Variants in GGA2 observed in about 807,000 individuals in gnomAD.
GGA2 encodes ADP-ribosylation factor-binding protein GGA2.
GGA2 carries 48 observed loss-of-function variants against 79.5 expected under a neutral mutation model. The ratio of observed to expected loss-of-function variants is 0.60; its 90% CI spans 0.48 to 0.77. The LOEUF (loss-of-function observed/expected upper bound fraction) is 0.77. Among genes scored for constraint, GGA2 ranks in the 30% least tolerant of loss-of-function variants. GGA2 has a pLI of 0.00. For missense variants in GGA2, 770 were observed against 774.0 expected (o/e 0.99, Z 0.06); for synonymous variants, 317 against 302.0 (o/e 1.05, Z -0.51).
At chr16:23,494,232 A>T in intron 3 of GGA2, 71 bp downstream of exon 3, 1 of 989,662 alleles carries the variant, frequency 1.0e-6, no homozygotes, top group Non-Finnish European at 1.6e-6. Context: ...TCTGTGTGGA[A>T]GCAAAGCGCC....
At position 23,510,350 on chromosome 16, in the gene GGA2, C is replaced by T. The variant is rs1321811752; in HGVS notation, c.62G>A (p.Gly21Asp). The change falls in exon 1 of 17, where the codon GGC (glycine) becomes GAC (aspartate). Residue 21 changes from glycine (G) to aspartate (D), a missense_variant. Physicochemically the swap from Gly to Asp is moderately conservative, Grantham distance 94 (BLOSUM62 -1). Coordinates refer to ENST00000309859, the MANE Select transcript of GGA2 (RefSeq NM_015044.4). ...CCACAGCTCCAGCGACGCTGCCGGG[C>T]CCGGGGGACCCTGGGCCGACTCGGT... The part of the protein sequence containing the change: ...AGTESAQGPP[G>D]PAASLELWLN... 7.0e-7 allele frequency: 1 copy of T among 1,436,522 alleles called. No homozygotes were observed. The highest frequency in any genetic ancestry group is 1.4e-5 in the South Asian group (1 of 73,110). The allele number at this position is 1,436,522 out of a possible 1,614,324, so 89.0% of individuals were successfully genotyped here.
rs1208609157 is a variant in GGA2, at chr16:23,465,635, C to T, written c.*1955G>A. The T allele has an allele frequency of 1.8e-6, 1 of 553,906 alleles. No individual in the cohort carries two copies. Among genetic ancestry groups the T allele is most frequent in the Non-Finnish European group, 3.2e-6 (1 of 311,074 alleles). 34.3% of individuals were successfully genotyped at this position (553,906 alleles called of 1,614,324 possible). On this transcript the variant is annotated 3_prime_UTR_variant, in exon 17 of 17. Coordinates refer to ENST00000309859, the MANE Select transcript of GGA2 (RefSeq NM_015044.4). ...CCTCTTCAAGACTACGCAACAGTAA[C>T]AGAGCCTATAAAAGCTACACAGAGG...
intron 1 of GGA2, chr16:23,501,555 T>G (rs1964922104): frequency 3.0e-6 from 1 of 334,662 alleles, no homozygotes; most frequent in African/African-American, 2.2e-5. Context: ...GCACAGAAAC[T>G]GGAGGCTGTG....
Position 23,504,913 on chromosome 16 carries a change from G to T in GGA2, c.91+5408C>A, listed in dbSNP as rs140210356. Among the ~76,000 whole-genome samples, 13 of 152,156 alleles carry T rather than the reference G, an allele frequency of 8.5e-5. 1 individual carries two copies. Among genetic ancestry groups the T allele is most frequent in the Middle Eastern group, 6.3e-3 (2 of 316 alleles). On this transcript the variant is annotated intron_variant, in intron 1 of 16. Transcript: ENST00000309859. ...TGTTAAGAAAACAGCTGAGACCTCCGGCTGTGAGTGAAATGGCTCATCCAA... is the reference window on the plus strand; with the variant it reads ...TGTTAAGAAAACAGCTGAGACCTCCTGCTGTGAGTGAAATGGCTCATCCAA...
chr16:23,484,396 C>A (rs536785543), intron 8 of GGA2, among the ~76,000 whole-genome samples: 11 of 152,172 alleles, frequency 7.2e-5, no homozygotes, highest in East Asian at 1.9e-4. Flanking sequence ...CCAGCCTGGG[C>A]GACAGAGCGA....
chr16:23,484,621 G>A (rs1268663748), intron 8 of GGA2, among the ~76,000 whole-genome samples: 2 of 152,182 alleles, frequency 1.3e-5, no homozygotes, highest in Non-Finnish European at 2.9e-5. Flanking sequence ...AGCTGCCAAT[G>A]AGCATAGGAA....
intron 10 of GGA2, 122 bp downstream of exon 10, chr16:23,480,523 A>T: frequency 1.2e-6 from 1 of 824,956 alleles, no homozygotes; most frequent in Admixed American, 2.6e-5. Context: ...CAGGAAGGGG[A>T]ACAAAGGGCG....
At chr16:23,497,281 C>T (rs903609358) in intron 1 of GGA2, among the ~76,000 whole-genome samples, 1 of 152,104 alleles carries the variant, frequency 6.6e-6, no homozygotes, top group Non-Finnish European at 1.5e-5. Context: ...CCTCCTGGCC[C>T]GAGTGTCCAC....
chr16:23,516,722 C>T (rs377439958), intron 2 of GGA2, among the ~76,000 whole-genome samples: 13 of 152,280 alleles, frequency 8.5e-5, no homozygotes, highest in African/African-American at 2.6e-4. Flanking sequence ...CTCAGGGACA[C>T]GCAGACTCCC....
intron 1 of GGA2, among the ~76,000 whole-genome samples, chr16:23,496,295 T>A (rs758000058): frequency 1.7e-5 from 2 of 120,112 alleles, no homozygotes; most frequent in African/African-American, 3.3e-5. Context: ...AGAGGGAGAC[T>A]CTGTCTCAAA....
rs890128747 is a variant in GGA2 at position 23,510,306 on chromosome 16, T to G, written c.91+15A>C. The G allele has an allele frequency of 2.1e-6, 3 of 1,417,178 alleles. No homozygotes were observed. Among genetic ancestry groups the G allele is most frequent in the Admixed American group, 2.6e-5 (1 of 38,318 alleles). The allele number at this position is 1,417,178 out of a possible 1,614,324, so 87.8% of individuals were successfully genotyped here. On this transcript the variant is annotated intron_variant, in intron 1 of 16. Transcript: ENST00000309859. ...CGGCGCAGCGGCTGCGCCGAAGGCC[T>G]GCCAGGCTACTCACTGAGCCACAGC...
intron 1 of GGA2, chr16:23,500,972 G>T: frequency 3.2e-6 from 1 of 313,198 alleles, no homozygotes; most frequent in Non-Finnish European, 6.3e-6. Context: ...ACACCATATT[G>T]CTAGATAACA....
chr16:23,477,858 TAC>T (rs1174873409), intron 13 of GGA2, among the ~76,000 whole-genome samples: 3 of 152,160 alleles, frequency 2.0e-5, no homozygotes, highest in African/African-American at 4.8e-5. Flanking sequence ...GTTTTTAAAT[TAC>T]ACAGTCTTGG....
Position 23,510,471 on chromosome 16 carries a change from C to G in GGA2, c.-60G>C, listed in dbSNP as rs898819517. 9.8e-6 allele frequency: 6 copies of G among 613,782 alleles called. No individual in the cohort carries two copies. Among genetic ancestry groups the G allele is most frequent in the African/African-American group, 9.6e-5 (5 of 52,092 alleles). 38.0% of individuals were successfully genotyped at this position (613,782 alleles called of 1,614,324 possible). A position where few individuals can be genotyped will look rare whatever the true frequency, so the allele number is the denominator to read the frequency against. Reference sequence around the variant, plus strand: ...CTGCCTCTTCAGCCGCTGTAGCGTCCTGGCGCTCTCCTCTGCTGACTGCGC... The same window carrying G: ...CTGCCTCTTCAGCCGCTGTAGCGTCGTGGCGCTCTCCTCTGCTGACTGCGC... On this transcript the variant is annotated 5_prime_UTR_variant, in exon 1 of 17. Coordinates refer to ENST00000309859, the MANE Select transcript of GGA2 (RefSeq NM_015044.4).
intron 15 of GGA2, chr16:23,469,272 A>G (rs750990214): frequency 2.0e-5 from 7 of 357,600 alleles, no homozygotes; most frequent in Non-Finnish European, 3.2e-5. Flanking sequence ...GCCAGGGCAC[A>G]TCTTGGGTTG....
In GGA2 at chr16:23,474,093, C is replaced by T. The variant is rs559232879; in HGVS notation, c.1450+811G>A. 5.3e-5 allele frequency among the ~76,000 whole-genome samples: 8 copies of T among 152,256 alleles called. No homozygotes were observed. The South Asian group carries it at 1.7e-3, about 32-fold the overall frequency. On this transcript the variant is annotated intron_variant, in intron 14 of 16. Coordinates refer to ENST00000309859, the MANE Select transcript of GGA2 (RefSeq NM_015044.4). ...ATTAGCCGAGCCTTCCATTTCCTTCCCTTTTAACAGAGATAATATCCACTT... is the reference window on the plus strand; with the variant it reads ...ATTAGCCGAGCCTTCCATTTCCTTCTCTTTTAACAGAGATAATATCCACTT...
In GGA2 at chr16:23,494,127, A is replaced by G. The variant is rs1371431641; in HGVS notation, c.252+176T>C. On this transcript the variant is annotated intron_variant, in intron 3 of 16. Coordinates refer to ENST00000309859, the MANE Select transcript of GGA2 (RefSeq NM_015044.4). ...CCTGAAGAAACAGACGAGAAACAGGAGGAAGAAGGGTGGGGACCCTGGCCC... is the reference window on the plus strand; with the variant it reads ...CCTGAAGAAACAGACGAGAAACAGGGGGAAGAAGGGTGGGGACCCTGGCCC... 19 of 606,684 alleles carry G rather than the reference A, an allele frequency of 3.1e-5. No homozygotes were observed. In the East Asian group the frequency reaches 5.0e-4, roughly 16 times the overall value. The allele number at this position is 606,684 out of a possible 1,614,324, so 37.6% of individuals were successfully genotyped here.
At chr16:23,500,206 C>T (rs1375163340) in intron 1 of GGA2, among the ~76,000 whole-genome samples, 1 of 152,222 alleles carries the variant, frequency 6.6e-6, no homozygotes, top group African/African-American at 2.4e-5. Flanking sequence ...GGGAGCAGCC[C>T]CACAGCCAAG....
At chr16:23,476,530 C>T (rs1416231802) in intron 13 of GGA2, among the ~76,000 whole-genome samples, 1 of 152,172 alleles carries the variant, frequency 6.6e-6, no homozygotes, top group Non-Finnish European at 1.5e-5. Flanking sequence ...TGATCAAATA[C>T]ATCCATGCAA....
Sources: allele counts gnomAD v4.1 joint callset (sites outside exome capture counted in the v4.1 genomes callset), GRCh38; gene constraint gnomAD v4.1.1; transcripts MANE v1.5; gene names NCBI Gene and HGNC (gene_info 2026-07-23, HGNC 2026-07-21).